Variants in RPS6KA3 observed in about 807,000 individuals in gnomAD.
The protein encoded by RPS6KA3 is ribosomal protein S6 kinase A3, also known as ribosomal protein S6 kinase alpha-3.
A neutral mutation model predicts 67.2 loss-of-function variants in RPS6KA3; 4 were observed. The observed-to-expected ratio is 0.06, with a 90% confidence interval of 0.03 to 0.14. The LOEUF (loss-of-function observed/expected upper bound fraction) is 0.14. RPS6KA3 is among the 10% of genes least tolerant of loss of function. The pLI is 1.00. For synonymous variants in RPS6KA3, 182 were observed against 183.7 expected (o/e 0.99, Z 0.07); for missense variants, 204 against 559.0 (o/e 0.36, Z 6.40).
upstream of RPS6KA3, chrX:20,267,000 TC>T (rs1327112806): frequency 2.7e-6 from 2 of 746,794 alleles, no homozygotes; most frequent in Admixed American, 1.8e-4. Context: ...CGCCGCGCGC[TC>T]CCCCACTTCC....
intron 2 of RPS6KA3, among the ~76,000 whole-genome samples, chrX:20,212,639 TGA>T (rs1003413941): frequency 9.1e-6 from 1 of 110,458 alleles, no homozygotes; most frequent in African/African-American, 3.3e-5. Flanking sequence ...CTCAGGAAGC[TGA>T]GATGTGAGGA....
At chrX:20,198,380 G>C (rs1316528879) in intron 4 of RPS6KA3, among the ~76,000 whole-genome samples, 1 of 111,781 alleles carries the variant, frequency 8.9e-6, no homozygotes, top group Non-Finnish European at 1.9e-5. Context: ...TTAAAGAAAA[G>C]ATAGCAAAAG....
At chrX:20,261,024 T>G (rs193125497) in intron 1 of RPS6KA3, among the ~76,000 whole-genome samples, 1 of 111,779 alleles carries the variant, frequency 8.9e-6, no homozygotes, top group African/African-American at 3.2e-5. Context: ...AACTAATGTA[T>G]TTGCTTAAAA....
intron 1 of RPS6KA3, among the ~76,000 whole-genome samples, chrX:20,254,070 T>C (rs1274486578): frequency 4.5e-5 from 5 of 112,104 alleles, no homozygotes; most frequent in African/African-American, 6.5e-5. Context: ...TCTTGAATTA[T>C]ACCAACAGCC....
rs58008925 is a variant in RPS6KA3 at position 20,162,802 on chromosome X, G to A, written c.1841+162C>T. Among the ~76,000 whole-genome samples the A allele has an allele frequency of 0.26, 28,265 of 110,835 alleles. 3,965 individuals are homozygous for A. Among genetic ancestry groups the A allele is most frequent in the African/African-American group, 0.53 (16,026 of 30,291 alleles). ...TTTGGGGCTATAGTGAACTATGGCT[G>A]TGTCACTGTACTCCAGCCTGGGCAA... On this transcript the variant is annotated intron_variant, in intron 19 of 21. Transcript: ENST00000379565.
At chrX:20,245,800 G>A (rs1569267838) in intron 1 of RPS6KA3, among the ~76,000 whole-genome samples, 1 of 111,204 alleles carries the variant, frequency 9.0e-6, no homozygotes, top group Non-Finnish European at 1.9e-5. Context: ...TTTTAAACAG[G>A]CACCTTAGAG....
chrX:20,178,229 G>A (rs765754650), intron 10 of RPS6KA3, among the ~76,000 whole-genome samples: 1 of 110,231 alleles, frequency 9.1e-6, no homozygotes, highest in African/African-American at 3.4e-5. Flanking sequence ...GAACAGTAGG[G>A]GATATTTAAT....
intron 21 of RPS6KA3, among the ~76,000 whole-genome samples, 200 bp from the exon 22 acceptor site, chrX:20,155,720 A>G (rs1327892415): frequency 8.9e-6 from 1 of 112,111 alleles, no homozygotes; most frequent in Non-Finnish European, 1.9e-5. Flanking sequence ...TGTATGAGAG[A>G]GAACAAAGAT....
intron 1 of RPS6KA3, among the ~76,000 whole-genome samples, chrX:20,259,818 C>T (rs921598440): frequency 9.0e-6 from 1 of 111,564 alleles, no homozygotes; most frequent in African/African-American, 3.3e-5. Flanking sequence ...TGCCACATTT[C>T]CCCAACTTAC....
intron 4 of RPS6KA3, among the ~76,000 whole-genome samples, chrX:20,195,385 A>G (rs2068247541): frequency 8.9e-6 from 1 of 112,230 alleles, no homozygotes; most frequent in Non-Finnish European, 1.9e-5. Context: ...TAGAGAAAAT[A>G]TTAGGTATTG....
At chrX:20,213,583 G>A (rs915364942) in intron 2 of RPS6KA3, among the ~76,000 whole-genome samples, 2 of 111,003 alleles carry the variant, frequency 1.8e-5, no homozygotes. Flanking sequence ...TAATATTAAA[G>A]CTATTAATTT....
At position 20,245,591 on chromosome X, in the gene RPS6KA3, T is replaced by C. The variant is rs2069664748; in HGVS notation, c.70-10777A>G. Among the ~76,000 whole-genome samples the C allele has an allele frequency of 2.7e-5, 3 of 112,014 alleles. No individual in the cohort carries two copies. In the Admixed American group the frequency reaches 2.8e-4, roughly 11 times the overall value. On this transcript the variant is annotated intron_variant, in intron 1 of 21. Coordinates refer to ENST00000379565, the MANE Select transcript of RPS6KA3 (RefSeq NM_004586.3). ...ATTAGTAAAGTATCAATTAAAAAAA[T>C]TGGGATCTACTCCTAATCCTATTCC...
At chrX:20,242,086 G>A (rs1032452101) in intron 1 of RPS6KA3, among the ~76,000 whole-genome samples, 4 of 111,362 alleles carry the variant, frequency 3.6e-5, no homozygotes, top group African/African-American at 1.3e-4. Context: ...AAAGAAAAGG[G>A]TTCAATAGTG....
chrX:20,169,591 T>C (rs748154035), intron 15 of RPS6KA3, 100 bp from the exon 16 acceptor site: 2 of 569,352 alleles, frequency 3.5e-6, no homozygotes, highest in South Asian at 4.5e-5. Flanking sequence ...ATGTAAATAG[T>C]GTATAAATAA....
chrX:20,157,088 G>A (rs2067204058), intron 20 of RPS6KA3, among the ~76,000 whole-genome samples: 1 of 111,965 alleles, frequency 8.9e-6, no homozygotes, highest in South Asian at 3.7e-4. Flanking sequence ...GACAGTCACT[G>A]TTAGCACTGC....
rs2070412484 is a variant in RPS6KA3 at position 20,266,903 on chromosome X, C to G, written c.-271G>C. 1 of 595,754 alleles carries G rather than the reference C, an allele frequency of 1.7e-6. No individual in the cohort carries two copies. The allele number at this position is 595,754 out of a possible 1,213,427, so 49.1% of individuals were successfully genotyped here. A position where few individuals can be genotyped will look rare whatever the true frequency, so the allele number is the denominator to read the frequency against. On this transcript the variant is annotated 5_prime_UTR_variant, in exon 1 of 22. Coordinates refer to ENST00000379565, the MANE Select transcript of RPS6KA3 (RefSeq NM_004586.3). ...CCTCCGCTGGGCACCGGGTCTCGCC[C>G]CTTTCTTCCTCTCCTCCTTCCGCCG...
At chrX:20,212,432 A>C (rs1331846584) in intron 2 of RPS6KA3, among the ~76,000 whole-genome samples, 1 of 111,440 alleles carries the variant, frequency 9.0e-6, no homozygotes, top group African/African-American at 3.3e-5. Flanking sequence ...CAGGAGGCAG[A>C]GGTTGCAGTG....
intron 20 of RPS6KA3, among the ~76,000 whole-genome samples, chrX:20,159,622 CA>C (rs765955333): frequency 1.7e-3 from 191 of 111,664 alleles, no homozygotes; most frequent in African/African-American, 5.2e-3. Context: ...CCTCTCTCAC[CA>C]AAAAAGCATA....
chrX:20,192,733 C>T (rs140250094), intron 7 of RPS6KA3, among the ~76,000 whole-genome samples: 2,267 of 106,192 alleles, frequency 0.021, 25 homozygotes, highest in Non-Finnish European at 0.034. Flanking sequence ...CCTGAGTAGT[C>T]GGGACTACAG....
Sources: gnomAD v4.1 joint callset for allele counts (sites outside exome capture counted in the v4.1 genomes callset) on GRCh38, gnomAD v4.1.1 for gene constraint, MANE v1.5 for transcripts, NCBI Gene and HGNC (gene_info 2026-07-23, HGNC 2026-07-21) for gene names.